WTAP: variants seen among roughly 807,000 people sequenced by gnomAD.
The protein encoded by WTAP is pre-mRNA-splicing regulator WTAP.
Under a neutral mutation model 50.0 loss-of-function variants are expected in WTAP, and 8 were observed. The observed-to-expected ratio is 0.16, with a 90% CI of 0.09 to 0.29. The LOEUF is 0.29. Ranked by LOEUF, WTAP falls within the 10% of genes least tolerant of loss-of-function variation. WTAP has a pLI of 1.00. For missense variants in WTAP, 295 were observed against 470.7 expected, an observed-to-expected ratio of 0.63 and a Z score of 3.45; for synonymous variants, 194 against 169.0, an observed-to-expected ratio of 1.15 and a Z score of -1.15.
chr6:159,727,150 C>G, upstream of WTAP: 2 of 1,195,420 alleles, frequency 1.7e-6, no homozygotes, highest in Non-Finnish European at 1.1e-6. Flanking sequence ...AGCTCCGGGG[C>G]CCGCGGAGCT....
chr6:159,742,584 TCTG>T (rs1451132572), intron 4 of WTAP, among the ~76,000 whole-genome samples: 5 of 152,206 alleles, frequency 3.3e-5, no homozygotes, highest in African/African-American at 4.8e-5. Context: ...TTTTTTTAAA[TCTG>T]CTGAAAATAA....
intron 2 of WTAP, 40 bp from the exon 3 acceptor site, chr6:159,738,950 C>T (rs371869678): frequency 2.1e-5 from 31 of 1,508,506 alleles, no homozygotes; most frequent in Middle Eastern, 1.7e-4. Context: ...TTTGTGTCTT[C>T]AGGAAGAACA....
At position 159,755,677 on chromosome 6, in the gene WTAP, A is replaced by T; in HGVS notation, c.*66A>T. 7.3e-7 allele frequency: 1 copy of T among 1,371,866 alleles called. No individual in the cohort carries two copies. Among genetic ancestry groups the T allele is most frequent in the East Asian group, 2.6e-5 (1 of 37,946 alleles). The allele number at this position is 1,371,866 out of a possible 1,614,324, so 85.0% of individuals were successfully genotyped here. A position where few individuals can be genotyped will look rare whatever the true frequency, so the allele number is the denominator to read the frequency against. ...GGAGAGGATACTGTCCAGAAAATTA[A>T]TGCATACTTTTGTCACAATTTGCCT... On this transcript the variant is annotated 3_prime_UTR_variant, in exon 8 of 8. Coordinates refer to ENST00000621533, the MANE Select transcript of WTAP (RefSeq NM_001270531.2).
chr6:159,741,807 G>T (rs1459027901), intron 3 of WTAP: 1 of 269,834 alleles, frequency 3.7e-6, no homozygotes, highest in Non-Finnish European at 7.1e-6. Flanking sequence ...GGGCAACGTA[G>T]TGAGACCCCA....
intron 7 of WTAP, among the ~76,000 whole-genome samples, chr6:159,754,220 G>T (rs1779922773): frequency 6.6e-6 from 1 of 152,184 alleles, no homozygotes; most frequent in African/African-American, 2.4e-5. Context: ...TTGCAAAGAT[G>T]ATCAGTAGCC....
intron 7 of WTAP, among the ~76,000 whole-genome samples, chr6:159,754,732 C>T (rs1401450890): frequency 2.6e-5 from 4 of 152,072 alleles, no homozygotes. Flanking sequence ...AAAATCTGTA[C>T]ATGTTCAGTA....
chr6:159,740,679 G>A (rs1046835813), intron 3 of WTAP, among the ~76,000 whole-genome samples: 11 of 151,124 alleles, frequency 7.3e-5, no homozygotes, highest in Admixed American at 1.3e-4. Flanking sequence ...TTTGGTATTA[G>A]GAAGGTTTTT....
Position 159,742,134 on chromosome 6 carries a change from A to G in WTAP, c.133A>G (p.Thr45Ala), listed in dbSNP as rs781516595. The change falls in exon 4 of 8, where the codon ACA becomes GCA. Residue 45 changes from threonine (T) to alanine (A), a missense_variant. Thr to Ala is a moderately conservative substitution (Grantham distance 58). This residue lies in a region of WTAP where 120 missense variants were observed against 287.6 expected (regional missense o/e 0.42). Transcript: ENST00000621533. ...AYVQALEGKY[T>A]DLNSNDVTGL... ...TGTACAAGCTTTGGAGGGCAAGTAC[A>G]CAGATCTTAACTGTAAGTTTGAGTT... The G allele has an allele frequency of 6.2e-6, 10 of 1,605,574 alleles. No individual in the cohort carries two copies. Among genetic ancestry groups the G allele is most frequent in the African/African-American group, 5.4e-5 (4 of 74,274 alleles).
intron 3 of WTAP, chr6:159,741,808 T>G (rs530103848): frequency 3.7e-6 from 1 of 269,884 alleles, no homozygotes; most frequent in Non-Finnish European, 7.1e-6. Flanking sequence ...GGCAACGTAG[T>G]GAGACCCCAT....
intron 6 of WTAP, chr6:159,753,244 G>T: frequency 1.7e-6 from 1 of 580,832 alleles, no homozygotes. Context: ...TAGCTGTTTG[G>T]GCACTTTTTG....
At chr6:159,747,343 C>T (rs1294854637) in intron 5 of WTAP, among the ~76,000 whole-genome samples, 2 of 152,004 alleles carry the variant, frequency 1.3e-5, no homozygotes, top group Admixed American at 6.6e-5. Context: ...ATCAGAAGGC[C>T]GGAGAACTAG....
chr6:159,732,886 A>AGTGTGTGTGTGTGTGTGTGTGTGTGT (rs67554039), intron 1 of WTAP, among the ~76,000 whole-genome samples: 3 of 146,380 alleles, frequency 2.0e-5, no homozygotes, highest in African/African-American at 7.8e-5. Flanking sequence ...ATATATATAT[A>AGTGTGTGTGTGTGTGTGTGTGTGTGT]GTGTGTGTGT....
chr6:159,744,030 G>GTCC (rs967857509), intron 5 of WTAP, among the ~76,000 whole-genome samples: 1 of 152,032 alleles, frequency 6.6e-6, no homozygotes, highest in African/African-American at 2.4e-5. Flanking sequence ...TGCCTTATAA[G>GTCC]TATTAGTTCA....
Position 159,755,781 on chromosome 6 carries a change from T to TTTTTTG in WTAP, c.*175_*176insGTTTTT. The stretch of plus-strand genomic sequence containing the variant: ...TTTTCTTTTCTTTTTTTTTTTTTTT[T>TTTTTTG]TTTTTTTTTGCTTCAATACTTCTGC... On this transcript the variant is annotated 3_prime_UTR_variant, in exon 8 of 8. Transcript: ENST00000621533. 1 of 1,051,288 alleles carries TTTTTTG rather than the reference T, an allele frequency of 9.5e-7. No homozygotes were observed. The highest frequency in any genetic ancestry group is 1.2e-6 in the Non-Finnish European group (1 of 821,634). 65.1% of individuals were successfully genotyped at this position (1,051,288 alleles called of 1,614,324 possible).
intron 1 of WTAP, 115 bp downstream of exon 1, chr6:159,727,818 C>T (rs1278790225): frequency 9.6e-6 from 7 of 731,294 alleles, no homozygotes; most frequent in Non-Finnish European, 1.2e-5. Flanking sequence ...GCCACACGGG[C>T]CTGGTGCGGC....
intron 2 of WTAP, among the ~76,000 whole-genome samples, chr6:159,737,336 C>G (rs1177507054): frequency 6.6e-6 from 1 of 152,174 alleles, no homozygotes; most frequent in Non-Finnish European, 1.5e-5. Flanking sequence ...TAGGCATGAG[C>G]TGCCTCTGGC....
chr6:159,743,910 C>T (rs554945078), intron 5 of WTAP, 118 bp downstream of exon 5: 21 of 1,111,918 alleles, frequency 1.9e-5, no homozygotes, highest in South Asian at 1.4e-4. Flanking sequence ...TTTATAGGTA[C>T]GTATGCTTTG....
Position 159,747,128 on chromosome 6 carries a change from A to G in WTAP, c.274-1063A>G, listed in dbSNP as rs1482601894. ...ATTAGAAAATTTTAACTGTAATCCT[A>G]TTTAAGCCTTAGTATGGAGTTAGAT... On this transcript the variant is annotated intron_variant, in intron 5 of 7. Transcript: ENST00000621533. 3.3e-5 allele frequency among the ~76,000 whole-genome samples: 5 copies of G among 152,306 alleles called. No homozygotes were observed. The East Asian group carries it at 9.6e-4, about 29-fold the overall frequency.
chr6:159,744,531 T>TC (rs5881336), intron 5 of WTAP, among the ~76,000 whole-genome samples: 118,058 of 152,100 alleles, frequency 0.78, 46,120 homozygotes, highest in South Asian at 0.85. Flanking sequence ...ACAGTCCTGT[T>TC]CTGTTTCTTT....
Sources: gnomAD v4.1 joint callset for allele counts (sites outside exome capture counted in the v4.1 genomes callset) on GRCh38, gnomAD v4.1.1 for gene constraint, gnomAD v4.1.1 regional missense constraint, MANE v1.5 for transcripts, NCBI Gene and HGNC (gene_info 2026-07-23, HGNC 2026-07-21) for gene names.